The following GPHN variants were observed in gnomAD, a reference collection of about 807,000 sequenced individuals.
GPHN encodes the protein gephyrin.
Under a neutral mutation model 95.5 loss-of-function variants are expected in GPHN, and 17 were observed. That is an observed-to-expected ratio of 0.18 (90% CI 0.12 to 0.27). The LOEUF is 0.27. GPHN is among the 10% of genes least tolerant of loss of function. The pLI is 1.00. For synonymous variants in GPHN, 320 were observed against 322.5 expected (o/e 0.99, Z 0.08); for missense variants, 660 against 978.1 (o/e 0.67, Z 4.34).
At chr14:66,710,442 C>G (rs1595644483) in intron 2 of GPHN, among the ~76,000 whole-genome samples, 1 of 152,254 alleles carries the variant, frequency 6.6e-6, no homozygotes, top group East Asian at 1.9e-4. Flanking sequence ...TTACCCAGGT[C>G]GTGATATGTC....
At chr14:66,940,950 A>C (rs558794696) in intron 8 of GPHN, among the ~76,000 whole-genome samples, 1 of 152,328 alleles carries the variant, frequency 6.6e-6, no homozygotes, top group African/African-American at 2.4e-5. Flanking sequence ...ATTTGGGTGC[A>C]TGGTGCTTGG....
At chr14:66,848,380 A>G (rs2062426320) in intron 4 of GPHN, among the ~76,000 whole-genome samples, 2 of 152,044 alleles carry the variant, frequency 1.3e-5, no homozygotes, top group African/African-American at 4.8e-5. Context: ...TTCTCATCCA[A>G]TGCTTTCTGA....
intron 22 of GPHN, among the ~76,000 whole-genome samples, chr14:67,180,482 A>C (rs918724908): frequency 6.6e-6 from 1 of 152,202 alleles, no homozygotes; most frequent in Non-Finnish European, 1.5e-5. Context: ...TTATTTTAAT[A>C]CTTTTTTTAA....
intron 3 of GPHN, among the ~76,000 whole-genome samples, chr14:66,791,661 A>G (rs1024766368): frequency 1.3e-5 from 2 of 152,236 alleles, no homozygotes; most frequent in African/African-American, 2.4e-5. Flanking sequence ...ATGCATTACA[A>G]TTAGTTTATA....
intron 4 of GPHN, among the ~76,000 whole-genome samples, chr14:66,870,836 C>T (rs2063405962): frequency 6.6e-6 from 1 of 152,160 alleles, no homozygotes; most frequent in Non-Finnish European, 1.5e-5. Context: ...GTAGGTCCTC[C>T]TAAAGACCAC....
chr14:67,215,107 G>C, the GPHN span, among the ~76,000 whole-genome samples: 1 of 152,144 alleles, frequency 6.6e-6, no homozygotes, highest in African/African-American at 2.4e-5. Flanking sequence ...TGCACACTCA[G>C]ATTTGAGAAC....
intron 1 of GPHN, among the ~76,000 whole-genome samples, chr14:66,661,017 A>G (rs2065611365): frequency 6.6e-6 from 1 of 152,192 alleles, no homozygotes; most frequent in South Asian, 2.1e-4. Flanking sequence ...AAAGCTGCTC[A>G]GGCATGCATG....
At chr14:66,675,377 C>T (rs2066528994) in intron 1 of GPHN, among the ~76,000 whole-genome samples, 3 of 152,070 alleles carry the variant, frequency 2.0e-5, no homozygotes, top group African/African-American at 7.2e-5. Context: ...ATCTCTTGAC[C>T]TCATGATCTG....
At chr14:66,814,956 G>A (rs1253700702) in intron 3 of GPHN, among the ~76,000 whole-genome samples, 1 of 152,148 alleles carries the variant, frequency 6.6e-6, no homozygotes, top group Non-Finnish European at 1.5e-5. Flanking sequence ...AGCCAGTACT[G>A]AAAAGAACAT....
the GPHN span, chr14:67,722,694 G>A: frequency 6.2e-7 from 1 of 1,613,818 alleles, no homozygotes; most frequent in Non-Finnish European, 8.5e-7. Context: ...CCTGTATATG[G>A]TAGCTCCATC....
chr14:66,776,597 A>T (rs1178261673), intron 3 of GPHN, 76 bp downstream of exon 3: 2 of 841,558 alleles, frequency 2.4e-6, no homozygotes, highest in African/African-American at 3.3e-5. Context: ...CTTTTTCTTT[A>T]TGCCATTGAT....
the GPHN span, among the ~76,000 whole-genome samples, chr14:67,191,037 C>A: frequency 2.0e-5 from 3 of 152,188 alleles, no homozygotes; most frequent in African/African-American, 7.2e-5. Context: ...AGTTCAAGAC[C>A]AGCCTGGCCA....
At chr14:67,046,868 G>C (rs1166667061) in intron 10 of GPHN, among the ~76,000 whole-genome samples, 2 of 152,182 alleles carry the variant, frequency 1.3e-5, no homozygotes, top group Non-Finnish European at 2.9e-5. Context: ...CCTAATTGGA[G>C]AGAGTTATAT....
intron 5 of GPHN, among the ~76,000 whole-genome samples, chr14:66,900,147 G>A (rs370636514): frequency 6.6e-6 from 1 of 151,496 alleles, no homozygotes; most frequent in Non-Finnish European, 1.5e-5. Flanking sequence ...CTTTTTTTCA[G>A]TCTTGCTTAA....
intron 5 of GPHN, among the ~76,000 whole-genome samples, chr14:66,888,382 A>G (rs1241521805): frequency 1.3e-5 from 2 of 152,196 alleles, no homozygotes; most frequent in African/African-American, 4.8e-5. Context: ...TCAGACATGC[A>G]TTTAAAAAAT....
the GPHN span, among the ~76,000 whole-genome samples, chr14:67,566,663 G>A: frequency 1.8e-4 from 27 of 151,436 alleles, no homozygotes; most frequent in Non-Finnish European, 4.0e-4. Flanking sequence ...TGGAAGTTAA[G>A]TTTGAGCCCA....
At chr14:66,910,695 C>A (rs968252334) in intron 5 of GPHN, among the ~76,000 whole-genome samples, 5 of 151,964 alleles carry the variant, frequency 3.3e-5, no homozygotes, top group African/African-American at 1.2e-4. Flanking sequence ...TCTACATAAA[C>A]AATATGCACA....
chr14:66,791,072 A>G (rs961608121), intron 3 of GPHN, among the ~76,000 whole-genome samples: 2 of 152,204 alleles, frequency 1.3e-5, no homozygotes, highest in Admixed American at 6.5e-5. Context: ...TTGGGCCTTG[A>G]ACCCAAGTTC....
At position 67,022,607 on chromosome 14, in the gene GPHN, A is replaced by G. The variant is rs866990200; in HGVS notation, c.964-1026A>G. On this transcript the variant is annotated intron_variant, in intron 9 of 22. Transcript: ENST00000478722. ...TGTGTGTGTGTGTGTGTGTGTGTGT[A>G]TTTTTCTTGTATGTATGTTTGTGAC... Among the ~76,000 whole-genome samples, 172 of 46,126 alleles carry G rather than the reference A, an allele frequency of 3.7e-3. 4 individuals carry two copies. Among genetic ancestry groups the G allele is most frequent in the Middle Eastern group, 0.022 (1 of 46 alleles). The allele number at this position is 46,126 out of a possible 152,430, so 30.3% of individuals were successfully genotyped here.
Sources: allele counts gnomAD v4.1 joint callset (sites outside exome capture counted in the v4.1 genomes callset), GRCh38; gene constraint gnomAD v4.1.1; transcripts MANE v1.5; gene names NCBI Gene and HGNC (gene_info 2026-07-23, HGNC 2026-07-21).